CPT1A: variants seen among roughly 807,000 people sequenced by gnomAD.
The protein encoded by CPT1A is carnitine palmitoyltransferase 1A, also known as carnitine O-palmitoyltransferase 1, liver isoform.
In CPT1A, 64 loss-of-function variants were observed where a neutral mutation model predicts 100.8. That is an observed-to-expected ratio of 0.63 (90% CI 0.52 to 0.78). The LOEUF is 0.78. CPT1A is among the 30% of genes least tolerant of loss of function. The pLI, the probability that CPT1A is intolerant of heterozygous loss-of-function variation, is 0.00. For synonymous variants in CPT1A, 363 were observed against 396.0 expected, an observed-to-expected ratio of 0.92 and a Z score of 0.99; for missense variants, 802 against 1,034.1, an observed-to-expected ratio of 0.78 and a Z score of 3.08.
chr11:68,838,318 G>C (rs1166594585), intron 1 of CPT1A, among the ~76,000 whole-genome samples: 2 of 152,002 alleles, frequency 1.3e-5, no homozygotes, highest in Admixed American at 6.6e-5. Flanking sequence ...TACCCAAATA[G>C]GGTAGCTGGC....
At chr11:68,825,698 C>A (rs1313997040) in intron 1 of CPT1A, among the ~76,000 whole-genome samples, 5 of 152,138 alleles carry the variant, frequency 3.3e-5, no homozygotes, top group Non-Finnish European at 5.9e-5. Flanking sequence ...GCCTGCCCCC[C>A]ACCTCACCCA....
At chr11:68,773,224 CCA>C (rs774119280) in intron 14 of CPT1A, 39 bp downstream of exon 14, 1 of 1,611,796 alleles carries the variant, frequency 6.2e-7, no homozygotes, top group South Asian at 1.1e-5. Context: ...GTAGGAACCC[CCA>C]AAGTGCTCAC....
chr11:68,798,265 T>C (rs569230852), intron 6 of CPT1A, among the ~76,000 whole-genome samples: 1 of 152,292 alleles, frequency 6.6e-6, no homozygotes, highest in South Asian at 2.1e-4. Flanking sequence ...ACAGTGCCCA[T>C]GCAAGGGCCT....
chr11:68,838,454 GCAAT>G lies in CPT1A; in HGVS notation c.-14+3317_-14+3320del, dbSNP rs567652225. Among the ~76,000 whole-genome samples, 696 of 150,358 alleles carry G rather than the reference GCAAT, an allele frequency of 4.6e-3. 9 individuals are homozygous for G. The highest frequency in any genetic ancestry group is 0.016 in the African/African-American group (657 of 41,124). ...AGAAAAAAGTCCTTACTTGTGTTAA[GCAAT>G]CAATTTGTTTAAAAAACATATCCTG... On this transcript the variant is annotated intron_variant, in intron 1 of 18. Coordinates refer to ENST00000265641, the MANE Select transcript of CPT1A (RefSeq NM_001876.4).
chr11:68,774,507 A>C (rs954788670), intron 13 of CPT1A, among the ~76,000 whole-genome samples: 2 of 151,644 alleles, frequency 1.3e-5, no homozygotes, highest in African/African-American at 4.8e-5. Context: ...CAGTGGCACC[A>C]TCGCTGCTCA....
intron 8 of CPT1A, 30 bp downstream of exon 8, chr11:68,794,774 T>G (rs1372711860): frequency 6.5e-7 from 1 of 1,545,512 alleles, no homozygotes; most frequent in African/African-American, 1.4e-5. Context: ...TGTTTGAAAA[T>G]AATTTTTTTA....
At chr11:68,826,802 A>C (rs1369616875) in intron 1 of CPT1A, among the ~76,000 whole-genome samples, 1 of 152,030 alleles carries the variant, frequency 6.6e-6, no homozygotes, top group East Asian at 1.9e-4. Context: ...CTTAGCACAA[A>C]CGGGATTCCT....
chr11:68,843,955 G>A (rs2154003502), upstream of CPT1A, among the ~76,000 whole-genome samples: 1 of 152,372 alleles, frequency 6.6e-6, no homozygotes, highest in South Asian at 2.1e-4. This position sits in a 1 kb window ranked among gnomAD's most constrained non-coding sequence, Gnocchi z 4.0. Context: ...CCCGCTCCAA[G>A]GTCATTTCCT....
At chr11:68,794,568 G>A (rs1303228531) in intron 8 of CPT1A, among the ~76,000 whole-genome samples, 12 of 152,236 alleles carry the variant, frequency 7.9e-5, no homozygotes, top group East Asian at 5.8e-4. Flanking sequence ...GTGCCAGCAC[G>A]CCCAGCTAAT....
rs893848052 is a variant in CPT1A, at chr11:68,764,891, C to G, written c.1741-2130G>C. Among the ~76,000 whole-genome samples the G allele has an allele frequency of 7.9e-5, 12 of 152,364 alleles. 1 individual carries two copies. The highest frequency in any genetic ancestry group is 7.2e-4 in the Admixed American group (11 of 15,310). Reference sequence around the variant, plus strand: ...CGCTAAGCAGCACTTGCAGTGAGGACCTGGCTGAGCCCCCAGGATCCCCCC... The same window carrying G: ...CGCTAAGCAGCACTTGCAGTGAGGAGCTGGCTGAGCCCCCAGGATCCCCCC... On this transcript the variant is annotated intron_variant, in intron 14 of 18. Transcript: ENST00000265641.
At chr11:68,800,529 G>A (rs1025700890) in intron 5 of CPT1A, among the ~76,000 whole-genome samples, 6 of 151,704 alleles carry the variant, frequency 4.0e-5, no homozygotes, top group Admixed American at 6.6e-5. Context: ...AGCTGGGTGC[G>A]GTGGCATGTG....
At chr11:68,836,235 C>A (rs903646882) in intron 1 of CPT1A, among the ~76,000 whole-genome samples, 3 of 151,832 alleles carry the variant, frequency 2.0e-5, no homozygotes, top group Non-Finnish European at 4.4e-5. Flanking sequence ...CAACGCTTTG[C>A]AAGGCCAAGG....
chr11:68,794,269 G>A (rs1487764397), intron 8 of CPT1A, among the ~76,000 whole-genome samples: 2 of 152,188 alleles, frequency 1.3e-5, no homozygotes, highest in Admixed American at 1.3e-4. Flanking sequence ...GGGGGTCCAG[G>A]ACCAGGTGGG....
intron 14 of CPT1A, among the ~76,000 whole-genome samples, chr11:68,771,916 A>G (rs367744404): frequency 1.3e-5 from 2 of 152,218 alleles, no homozygotes; most frequent in African/African-American, 4.8e-5. Context: ...ATTTTTAAAA[A>G]TGGGATAACA....
chr11:68,800,963 T>C (rs1340423127), intron 5 of CPT1A, among the ~76,000 whole-genome samples: 1 of 151,374 alleles, frequency 6.6e-6, no homozygotes, highest in Non-Finnish European at 1.5e-5. Flanking sequence ...AGAAAGTATT[T>C]GCAGGCATAG....
chr11:68,817,729 TG>T lies in CPT1A; in HGVS notation c.-13-2243del, dbSNP rs554395813. ...TGGCTGGGGTCAAGGGCAGGGTGGC[TG>T]GGGGTCAAGGACAGGCTGTTGGGGG... On this transcript the variant is annotated intron_variant, in intron 1 of 18. Coordinates refer to ENST00000265641, the MANE Select transcript of CPT1A (RefSeq NM_001876.4). Among the ~76,000 whole-genome samples, 7 of 12,800 alleles carry T rather than the reference TG, an allele frequency of 5.5e-4. No homozygotes were observed. In the Admixed American group the frequency reaches 6.8e-3, roughly 12 times the overall value. The allele number at this position is 12,800 out of a possible 152,430, so 8.4% of individuals were successfully genotyped here.
chr11:68,832,451 A>AAAAC (rs369599152), intron 1 of CPT1A, among the ~76,000 whole-genome samples: 5,015 of 152,028 alleles, frequency 0.033, 233 homozygotes, highest in African/African-American at 0.11. Context: ...CTCTGTCTCA[A>AAAAC]AAACAAACAA....
intron 4 of CPT1A, among the ~76,000 whole-genome samples, chr11:68,804,739 C>T (rs1009652005): frequency 2.0e-5 from 3 of 152,246 alleles, no homozygotes; most frequent in Non-Finnish European, 2.9e-5. Flanking sequence ...CACCTCCTTC[C>T]GCAAGGCCCT....
chr11:68,767,162 G>A lies in CPT1A; in HGVS notation c.1741-4401C>T, dbSNP rs936497281. Among the ~76,000 whole-genome samples, 12 of 152,318 alleles carry A rather than the reference G, an allele frequency of 7.9e-5. No homozygotes were observed. The East Asian group carries it at 2.3e-3, about 29-fold the overall frequency. ...TACTAAATATGTGAAGCCATTCTTA[G>A]CTTTCTAAGCCATGAAAACAAAAAT... On this transcript the variant is annotated intron_variant, in intron 14 of 18. Transcript: ENST00000265641.
Sources: gnomAD v4.1 joint callset for allele counts (sites outside exome capture counted in the v4.1 genomes callset) on GRCh38, gnomAD v4.1.1 for gene constraint, Gnocchi (gnomAD v3.1) non-coding constraint, MANE v1.5 for transcripts, NCBI Gene and HGNC (gene_info 2026-07-23, HGNC 2026-07-21) for gene names.